ROBO1: variants seen among roughly 807,000 people sequenced by gnomAD.
ROBO1 encodes roundabout guidance receptor 1.
ROBO1 carries 149 observed loss-of-function variants against 195.9 expected under a neutral mutation model. The observed-to-expected ratio is 0.76, with a 90% confidence interval of 0.67 to 0.87. ROBO1 has a LOEUF of 0.87. ROBO1 is among the 40% of genes least tolerant of loss of function. The pLI, the probability that ROBO1 is intolerant of heterozygous loss-of-function variation, is 0.00. For missense variants in ROBO1, 1,933 were observed against 2,068.3 expected (o/e 0.93, Z 1.27); for synonymous variants, 816 against 733.2 (o/e 1.11, Z -1.82).
At chr3:78,840,895 C>T (rs1304040989) in intron 4 of ROBO1, among the ~76,000 whole-genome samples, 1 of 151,528 alleles carries the variant, frequency 6.6e-6, no homozygotes, top group Non-Finnish European at 1.5e-5. Flanking sequence ...CCCATCTCTA[C>T]TGAAAAAATA....
intron 3 of ROBO1, among the ~76,000 whole-genome samples, chr3:79,084,492 C>T (rs1255869930): frequency 3.3e-5 from 5 of 152,014 alleles, no homozygotes. Context: ...AGCGAAACTC[C>T]ATCTCAAAAA....
At chr3:79,366,459 A>T (rs1208910736) in intron 2 of ROBO1, among the ~76,000 whole-genome samples, 1 of 152,102 alleles carries the variant, frequency 6.6e-6, no homozygotes, top group Admixed American at 6.5e-5. Flanking sequence ...TGACTTTGAC[A>T]TTCACCACTC....
chr3:79,537,568 C>A (rs1941920272), intron 2 of ROBO1, among the ~76,000 whole-genome samples: 1 of 152,162 alleles, frequency 6.6e-6, no homozygotes, highest in African/African-American at 2.4e-5. Context: ...GAAATGCCCT[C>A]AGAGAGAAGC....
chr3:79,177,371 G>A (rs567752495), intron 2 of ROBO1, among the ~76,000 whole-genome samples: 2 of 152,308 alleles, frequency 1.3e-5, no homozygotes, highest in South Asian at 4.1e-4. Context: ...CTCAGATGGA[G>A]TGCTGTTCCA....
At chr3:79,635,905 T>C (rs1024534811) in intron 1 of ROBO1, among the ~76,000 whole-genome samples, 2 of 152,292 alleles carry the variant, frequency 1.3e-5, no homozygotes, top group East Asian at 3.9e-4. Context: ...ATACAATACA[T>C]ATATCCTTCT....
intron 1 of ROBO1, among the ~76,000 whole-genome samples, chr3:79,704,425 C>G (rs1947708486): frequency 6.6e-6 from 1 of 151,886 alleles, no homozygotes; most frequent in African/African-American, 2.4e-5. Context: ...TATCATATGA[C>G]TAGAATCATA....
intron 2 of ROBO1, among the ~76,000 whole-genome samples, chr3:79,573,691 C>A (rs1259224250): frequency 6.6e-6 from 1 of 152,078 alleles, no homozygotes; most frequent in Non-Finnish European, 1.5e-5. Context: ...GGGTAGCTTT[C>A]AGCTCCAGTT....
intron 3 of ROBO1, among the ~76,000 whole-genome samples, chr3:79,044,779 C>A (rs1349065258): frequency 1.3e-5 from 2 of 151,816 alleles, no homozygotes; most frequent in African/African-American, 2.4e-5. Context: ...AGCTTTTTGA[C>A]ATTTTCTTTT....
rs376245292 is a variant in ROBO1 at position 78,670,194 on chromosome 3, G to A, written c.1450C>T (p.Pro484Ser). 95 of 1,611,286 alleles carry A rather than the reference G, an allele frequency of 5.9e-5. No homozygotes were observed. The highest frequency in any genetic ancestry group is 8.0e-5 in the Non-Finnish European group (94 of 1,178,784). The stretch of plus-strand genomic sequence containing the variant: ...CCATCCTTTCTCCACAGAATGGTGG[G>A]CACTGGACTGCCTGTGGCCACACAG... ...LSCVATGSPVPTILWRKDGVL... is the reference protein window; with the variant it reads ...LSCVATGSPVSTILWRKDGVL... The change falls in exon 11 of 31, where the codon CCC becomes TCC. Residue 484 changes from proline to serine, a missense_variant. This residue lies in a region of ROBO1 where 1,737 missense variants were observed against 1,882.5 expected (regional missense o/e 0.92). Transcript: ENST00000464233.
chr3:79,639,910 C>T (rs1326122789), intron 1 of ROBO1, among the ~76,000 whole-genome samples: 4 of 152,018 alleles, frequency 2.6e-5, no homozygotes, highest in Admixed American at 1.3e-4. Flanking sequence ...TTCAGTGATT[C>T]GATTCTTTGA....
intron 1 of ROBO1, among the ~76,000 whole-genome samples, chr3:79,757,503 C>CCATATATATATATATATA (rs369407395): frequency 1.4e-5 from 2 of 145,228 alleles, no homozygotes; most frequent in African/African-American, 2.8e-5. Context: ...CTCTCTCTCT[C>CCATATATATATATATATA]TCTCTCCATA....
intron 3 of ROBO1, among the ~76,000 whole-genome samples, chr3:79,032,005 G>T (rs2078304426): frequency 6.6e-6 from 1 of 151,970 alleles, no homozygotes; most frequent in African/African-American, 2.4e-5. Context: ...GGCTTATATA[G>T]GGTATGAAGC....
At chr3:78,665,552 T>G (rs1707682958) in intron 14 of ROBO1, among the ~76,000 whole-genome samples, 1 of 152,240 alleles carries the variant, frequency 6.6e-6, no homozygotes, top group South Asian at 2.1e-4. Context: ...CTAGCTGTCT[T>G]TCTCAGTTTT....
intron 4 of ROBO1, among the ~76,000 whole-genome samples, chr3:78,859,089 G>A (rs951333101): frequency 3.3e-5 from 5 of 152,300 alleles, no homozygotes; most frequent in Admixed American, 2.0e-4. Context: ...CTACAGCAGG[G>A]AGACTGGAAA....
At chr3:78,742,149 G>T (rs1036393956) in intron 5 of ROBO1, among the ~76,000 whole-genome samples, 1 of 152,034 alleles carries the variant, frequency 6.6e-6, no homozygotes. Flanking sequence ...AACAAAGAAA[G>T]CCACCACATT....
chr3:78,868,470 T>C (rs2035321324), intron 4 of ROBO1, among the ~76,000 whole-genome samples: 1 of 152,304 alleles, frequency 6.6e-6, no homozygotes, highest in South Asian at 2.1e-4. Flanking sequence ...TAAAATGTTA[T>C]TGTCTTTTCT....
intron 8 of ROBO1, among the ~76,000 whole-genome samples, chr3:78,708,321 GATT>G (rs2081601154): frequency 6.6e-6 from 1 of 152,092 alleles, no homozygotes; most frequent in Non-Finnish European, 1.5e-5. Context: ...CCACCAAGAT[GATT>G]GTCATTGAAA....
At chr3:79,086,211 A>C (rs1009164428) in intron 3 of ROBO1, among the ~76,000 whole-genome samples, 14 of 152,024 alleles carry the variant, frequency 9.2e-5, no homozygotes, top group African/African-American at 3.1e-4. Flanking sequence ...TGTAGTAAAG[A>C]ATTAAAGGTA....
At chr3:79,537,354 A>G (rs1238092960) in intron 2 of ROBO1, among the ~76,000 whole-genome samples, 1 of 152,168 alleles carries the variant, frequency 6.6e-6, no homozygotes, top group Admixed American at 6.6e-5. Flanking sequence ...GGGAACGTGC[A>G]GGAAGTTACC....
Sources: gnomAD v4.1 joint callset for allele counts (sites outside exome capture counted in the v4.1 genomes callset) on GRCh38, gnomAD v4.1.1 for gene constraint, gnomAD v4.1.1 regional missense constraint, MANE v1.5 for transcripts, NCBI Gene and HGNC (gene_info 2026-07-23, HGNC 2026-07-21) for gene names.